FREM1: variants seen among roughly 807,000 people sequenced by gnomAD.
FREM1 encodes FRAS1-related extracellular matrix protein 1.
Under a neutral mutation model 210.1 loss-of-function variants are expected in FREM1, and 220 were observed. That is an observed-to-expected ratio of 1.05 (90% CI 0.94 to 1.17). FREM1 has a LOEUF of 1.17. Among genes scored for constraint, FREM1 ranks in the 50% most tolerant of loss-of-function variants. FREM1 has a pLI of 0.00. For synonymous variants in FREM1, 1,189 were observed against 980.2 expected (o/e 1.21, Z -3.98); for missense variants, 3,454 against 2,675.5 (o/e 1.29, Z -6.42).
chr9:14,806,401 A>G (rs566539424), intron 18 of FREM1, among the ~76,000 whole-genome samples: 2 of 152,166 alleles, frequency 1.3e-5, no homozygotes, highest in South Asian at 2.1e-4. Flanking sequence ...GATTACAGGC[A>G]TATGCCACCA....
At position 14,801,731 on chromosome 9, in the gene FREM1, G is replaced by T. The variant is rs1308119069; in HGVS notation, c.3615C>A (p.Phe1205Leu). 1.2e-6 allele frequency: 2 copies of T among 1,613,984 alleles called. No homozygotes were observed. Among genetic ancestry groups the T allele is most frequent in the African/African-American group, 2.7e-5 (2 of 75,044 alleles). Residue 1205 changes from phenylalanine to leucine, a missense_variant, in exon 20 of 37, where the codon TTC becomes TTA. Transcript: ENST00000380880. ...LLIDRGFSKD[F>L]SENKQPANPH... ...GGTTGGCTGGCTGCTTATTCTCAGA[G>T]AAGTCTTTGCTAAACCCCCTATCGA...
chr9:14,767,467 T>A (rs1846644821), intron 27 of FREM1, among the ~76,000 whole-genome samples: 1 of 152,198 alleles, frequency 6.6e-6, no homozygotes, highest in African/African-American at 2.4e-5. Flanking sequence ...AAAGTCACTT[T>A]CTAGCTCTGT....
chr9:14,775,879 G>A lies in FREM1; in HGVS notation c.4767C>T (p.Asp1589=), dbSNP rs1256578807. 1 of 1,613,820 alleles carries A rather than the reference G, an allele frequency of 6.2e-7. No homozygotes were observed. Among genetic ancestry groups the A allele is most frequent in the Non-Finnish European group, 8.5e-7 (1 of 1,179,736 alleles). Residue 1589 remains aspartate, a synonymous_variant, in exon 25 of 37, where the codon GAC becomes GAT. Transcript: ENST00000380880. ...CATCTGTGGCCATGAAAGTAAAGCA[G>A]TCAGTCTGGGAGTCCCCTCCTGAGT... ...YRHSGGDSQT[D]CFTFMATDGT...
At chr9:14,790,117 G>A (rs1006059689) in intron 22 of FREM1, among the ~76,000 whole-genome samples, 7 of 152,106 alleles carry the variant, frequency 4.6e-5, no homozygotes, top group African/African-American at 1.2e-4. Context: ...AACAATGGGG[G>A]CTCTGGTACA....
chr9:14,799,593 T>C (rs2133244089), intron 20 of FREM1, among the ~76,000 whole-genome samples: 1 of 152,242 alleles, frequency 6.6e-6, no homozygotes, highest in South Asian at 2.1e-4. Flanking sequence ...AATGTTATTT[T>C]TTAAAAAATT....
intron 16 of FREM1, among the ~76,000 whole-genome samples, chr9:14,810,227 G>A (rs1301942119): frequency 1.3e-5 from 2 of 152,076 alleles, no homozygotes; most frequent in East Asian, 3.9e-4. Context: ...AGTCACTCTA[G>A]AAAGAGAAGA....
In FREM1 at chr9:14,812,814, G is replaced by T; in HGVS notation, c.2891C>A (p.Thr964Lys). Residue 964 changes from threonine (T) to lysine (K), a missense_variant and splice_region_variant, in exon 16 of 37, where the codon ACA (threonine) becomes AAA (lysine). Transcript: ENST00000380880. ...CTGGTCACCATGCTGCTGCTTACCTGTGTGTTTGTATGTCACGGCCTCTGA... is the reference window on the plus strand; with the variant it reads ...CTGGTCACCATGCTGCTGCTTACCTTTGTGTTTGTATGTCACGGCCTCTGA... Reference protein sequence around the residue: ...VISEAVTYKHTGGEIGLMPCF... With the variant: ...VISEAVTYKHKGGEIGLMPCF... The T allele has an allele frequency of 6.2e-7, 1 of 1,605,026 alleles. No homozygotes were observed. Among genetic ancestry groups the T allele is most frequent in the Non-Finnish European group, 8.5e-7 (1 of 1,174,652 alleles).
chr9:14,851,588 G>A lies in FREM1; in HGVS notation c.848C>T (p.Pro283Leu), dbSNP rs1286767353. ...IVYKSESAWL[P>L]VYIRAGIPNQ... ...CGGAATTCCAGCTCTGATATAGACA[G>A]GCAGCCACGCACTCTCTGACTTTTG... The change falls in exon 6 of 37, where the codon CCT (proline) becomes CTT (leucine). Residue 283 changes from proline (P) to leucine (L), a missense_variant. Pro to Leu is a moderately conservative substitution (Grantham distance 98). Coordinates refer to ENST00000380880, the MANE Select transcript of FREM1 (RefSeq NM_001379081.2). 1 of 1,613,442 alleles carries A rather than the reference G, an allele frequency of 6.2e-7. No homozygotes were observed. Among genetic ancestry groups the A allele is most frequent in the Non-Finnish European group, 8.5e-7 (1 of 1,179,396 alleles).
chr9:14,782,902 G>T (rs1354367385), intron 24 of FREM1, among the ~76,000 whole-genome samples: 4 of 152,170 alleles, frequency 2.6e-5, no homozygotes, highest in Non-Finnish European at 5.9e-5. Flanking sequence ...CCTGATGATT[G>T]TCACAGAGTT....
intron 1 of FREM1, among the ~76,000 whole-genome samples, chr9:14,893,558 T>A (rs1395174200): frequency 6.6e-6 from 1 of 152,224 alleles, no homozygotes; most frequent in East Asian, 1.9e-4. Context: ...GTGTGTAATA[T>A]AAAAGAGCTT....
At chr9:14,864,411 C>T (rs1322640404) in intron 2 of FREM1, among the ~76,000 whole-genome samples, 2 of 152,138 alleles carry the variant, frequency 1.3e-5, no homozygotes, top group African/African-American at 2.4e-5. Flanking sequence ...GATGAAGCCA[C>T]TGACTATGGA....
intron 20 of FREM1, among the ~76,000 whole-genome samples, chr9:14,798,430 A>G (rs1165507387): frequency 1.3e-5 from 2 of 151,944 alleles, no homozygotes; most frequent in South Asian, 4.2e-4. Context: ...GGAAAACATA[A>G]TGAGACCTTG....
At chr9:14,820,351 C>G (rs1821062313) in intron 13 of FREM1, among the ~76,000 whole-genome samples, 1 of 152,178 alleles carries the variant, frequency 6.6e-6, no homozygotes, top group Non-Finnish European at 1.5e-5. Context: ...ATCACGGGCT[C>G]TGAGGACCCC....
chr9:14,776,392 C>T, intron 24 of FREM1, 189 bp from the exon 25 acceptor site: 1 of 501,088 alleles, frequency 2.0e-6, no homozygotes. Flanking sequence ...CATAAATGGA[C>T]CATTCTACAC....
intron 16 of FREM1, among the ~76,000 whole-genome samples, chr9:14,810,191 A>G (rs1447072320): frequency 6.6e-6 from 1 of 152,062 alleles, no homozygotes; most frequent in African/African-American, 2.4e-5. Context: ...ATCTGTAGGG[A>G]GAGGCAATGG....
chr9:14,791,627 T>C (rs1182430256), intron 22 of FREM1, among the ~76,000 whole-genome samples: 1 of 152,170 alleles, frequency 6.6e-6, no homozygotes, highest in African/African-American at 2.4e-5. Flanking sequence ...CACTGAACTT[T>C]CGTCTTTTAA....
chr9:14,841,008 A>G (rs1485058879), intron 10 of FREM1, among the ~76,000 whole-genome samples: 2 of 152,214 alleles, frequency 1.3e-5, no homozygotes, highest in Non-Finnish European at 2.9e-5. Flanking sequence ...CACCTTCACA[A>G]TAACTCTAAA....
chr9:14,847,522 T>C (rs910688660), intron 7 of FREM1, among the ~76,000 whole-genome samples: 2 of 151,734 alleles, frequency 1.3e-5, no homozygotes, highest in African/African-American at 2.4e-5. Context: ...AATAAGGGTT[T>C]GGAAGCCAGG....
rs776518978 is a variant in FREM1 at position 14,801,728 on chromosome 9, A to G, written c.3618T>C (p.Ser1206=). The part of the protein sequence containing the change: ...LIDRGFSKDF[S]ENKQPANPHQ... ...GAGGGTTGGCTGGCTGCTTATTCTC[A>G]GAGAAGTCTTTGCTAAACCCCCTAT... Residue 1206 remains serine (S), a synonymous_variant, in exon 20 of 37, where the codon TCT becomes TCC. Coordinates refer to ENST00000380880, the MANE Select transcript of FREM1 (RefSeq NM_001379081.2). 6 of 1,613,876 alleles carry G rather than the reference A, an allele frequency of 3.7e-6. No individual in the cohort carries two copies. Among genetic ancestry groups the G allele is most frequent in the Non-Finnish European group, 5.1e-6 (6 of 1,179,880 alleles).
Sources: allele counts gnomAD v4.1 joint callset (sites outside exome capture counted in the v4.1 genomes callset), GRCh38; gene constraint gnomAD v4.1.1; transcripts MANE v1.5; gene names NCBI Gene and HGNC (gene_info 2026-07-23, HGNC 2026-07-21).